IL15: variants seen among roughly 807,000 people sequenced by gnomAD.
The protein encoded by IL15 is interleukin-15.
In IL15, 11 loss-of-function variants were observed where a neutral mutation model predicts 19.6. The ratio of observed to expected loss-of-function variants is 0.56; its 90% CI spans 0.35 to 0.93. IL15 has a LOEUF of 0.93. Among genes scored for constraint, IL15 ranks in the 40% least tolerant of loss-of-function variants. The pLI is 0.01. For synonymous variants in IL15, 58 were observed against 59.6 expected, an observed-to-expected ratio of 0.97 and a Z score of 0.12; for missense variants, 197 against 186.5, an observed-to-expected ratio of 1.06 and a Z score of -0.33.
At chr4:141,697,319 T>C (rs1283294453) in intron 2 of IL15, among the ~76,000 whole-genome samples, 4 of 152,152 alleles carry the variant, frequency 2.6e-5, no homozygotes, top group African/African-American at 4.8e-5. Context: ...CAGATTGCTG[T>C]AACTATTTGG....
chr4:141,651,519 G>A (rs1727406052), intron 1 of IL15, among the ~76,000 whole-genome samples: 1 of 152,074 alleles, frequency 6.6e-6, no homozygotes, highest in South Asian at 2.1e-4. Flanking sequence ...TAATAGCCCA[G>A]ACTTTACCTC....
At chr4:141,639,859 G>A (rs943165375) in intron 1 of IL15, among the ~76,000 whole-genome samples, 4 of 152,206 alleles carry the variant, frequency 2.6e-5, no homozygotes, top group Non-Finnish European at 5.9e-5. Flanking sequence ...CCATAGAGGA[G>A]TTGAAGGAAA....
intron 2 of IL15, among the ~76,000 whole-genome samples, chr4:141,671,565 C>G (rs964781523): frequency 1.3e-5 from 2 of 152,142 alleles, no homozygotes; most frequent in African/African-American, 4.8e-5. Flanking sequence ...TCGATATCTC[C>G]TCACTCACCT....
intron 2 of IL15, among the ~76,000 whole-genome samples, chr4:141,671,206 CTT>C (rs1560911082): frequency 6.6e-6 from 1 of 152,144 alleles, no homozygotes; most frequent in African/African-American, 2.4e-5. Context: ...TGTGGGAACA[CTT>C]ATTACTTAGG....
At chr4:141,679,193 A>G (rs1276759313) in intron 2 of IL15, among the ~76,000 whole-genome samples, 1 of 152,216 alleles carries the variant, frequency 6.6e-6, no homozygotes, top group East Asian at 1.9e-4. Context: ...GTCACTAGAT[A>G]CAGCTGGACC....
At chr4:141,659,616 A>G (rs1219799168) in intron 2 of IL15, among the ~76,000 whole-genome samples, 7 of 152,226 alleles carry the variant, frequency 4.6e-5, no homozygotes, top group Non-Finnish European at 7.3e-5. Flanking sequence ...AGTAATAGCA[A>G]TGTGGTTGTG....
rs1729910075 is a variant in IL15 at position 141,717,055 on chromosome 4, G to A, written c.-99-2311G>A. On this transcript the variant is annotated intron_variant, in intron 2 of 7. Coordinates refer to ENST00000320650, the MANE Select transcript of IL15 (RefSeq NM_000585.5). ...GCAGAACATTTGCCTTCAGGATGAA[G>A]TCACACCCATATTTGATTTAGATAA... 2.6e-5 allele frequency: 4 copies of A among 152,088 alleles called. No individual in the cohort carries two copies. In the South Asian group the frequency reaches 8.3e-4, roughly 32 times the overall value. The allele number at this position is 152,088 out of a possible 1,614,324, so 9.4% of individuals were successfully genotyped here.
chr4:141,678,853 G>C (rs1728443870), intron 2 of IL15, among the ~76,000 whole-genome samples: 1 of 152,156 alleles, frequency 6.6e-6, no homozygotes, highest in South Asian at 2.1e-4. Flanking sequence ...GCCTGCCCAG[G>C]CCTCCCAAAG....
At chr4:141,651,034 T>G (rs1727386320) in intron 1 of IL15, among the ~76,000 whole-genome samples, 1 of 151,988 alleles carries the variant, frequency 6.6e-6, no homozygotes, top group Non-Finnish European at 1.5e-5. Context: ...AATATGTTAA[T>G]GATGAATAGA....
intron 2 of IL15, among the ~76,000 whole-genome samples, chr4:141,704,824 C>T (rs973724543): frequency 6.6e-6 from 1 of 151,112 alleles, no homozygotes; most frequent in African/African-American, 2.4e-5. Context: ...TCATATGTGT[C>T]CAGAAATTTA....
At chr4:141,730,384 A>G in intron 7 of IL15, among the ~76,000 whole-genome samples, 1 of 152,154 alleles carries the variant, frequency 6.6e-6, no homozygotes, top group Admixed American at 6.6e-5. Context: ...CTATTCTTTG[A>G]GCTTTAAATT....
chr4:141,697,196 A>G (rs1349379337), intron 2 of IL15, among the ~76,000 whole-genome samples: 1 of 152,084 alleles, frequency 6.6e-6, no homozygotes, highest in African/African-American at 2.4e-5. Context: ...ATAAGGCGAG[A>G]GATGAGGATC....
At chr4:141,637,709 A>G (rs1726904771) in intron 1 of IL15, among the ~76,000 whole-genome samples, 2 of 152,222 alleles carry the variant, frequency 1.3e-5, no homozygotes, top group South Asian at 2.1e-4. Flanking sequence ...ATTCTTAAAT[A>G]GGATGAGTCA....
intron 4 of IL15, 99 bp from the exon 5 acceptor site, chr4:141,721,825 C>G: frequency 9.5e-7 from 1 of 1,047,134 alleles, no homozygotes; most frequent in South Asian, 1.6e-5. Flanking sequence ...GATTTTTTCA[C>G]TGGTCAGAAT....
intron 2 of IL15, among the ~76,000 whole-genome samples, chr4:141,658,264 G>A (rs1052111707): frequency 3.3e-5 from 5 of 152,210 alleles, no homozygotes; most frequent in African/African-American, 1.2e-4. Context: ...TGTTTCCTGA[G>A]GCCTCCCCAG....
chr4:141,706,196 C>T (rs1729508998), intron 2 of IL15, among the ~76,000 whole-genome samples: 2 of 151,590 alleles, frequency 1.3e-5, no homozygotes, highest in Non-Finnish European at 2.9e-5. Flanking sequence ...TGTTACTAAG[C>T]TTGGTTTCTT....
At chr4:141,664,236 C>T (rs1348848335) in intron 2 of IL15, among the ~76,000 whole-genome samples, 4 of 151,766 alleles carry the variant, frequency 2.6e-5, no homozygotes, top group African/African-American at 9.7e-5. Flanking sequence ...ATTTCAAAAA[C>T]CCCCAAATAA....
chr4:141,650,078 A>G (rs576329004), intron 1 of IL15, among the ~76,000 whole-genome samples: 64 of 152,208 alleles, frequency 4.2e-4, no homozygotes, highest in African/African-American at 1.5e-3. Flanking sequence ...CAAGCAGTAT[A>G]AAAGCAAAAG....
Position 141,709,381 on chromosome 4 carries a change from G to A in IL15, c.-99-9985G>A, listed in dbSNP as rs114880073. Among the ~76,000 whole-genome samples the A allele has an allele frequency of 4.2e-3, 636 of 152,192 alleles. 4 individuals carry two copies. The highest frequency in any genetic ancestry group is 0.014 in the African/African-American group (566 of 41,522). On this transcript the variant is annotated intron_variant, in intron 2 of 7. Transcript: ENST00000320650. The stretch of plus-strand genomic sequence containing the variant: ...TACATATATACTACATAAAAAGGTT[G>A]TTCATTGTGTTTTTAAAATTTGCCC...
Sources: allele counts gnomAD v4.1 joint callset (sites outside exome capture counted in the v4.1 genomes callset), GRCh38; gene constraint gnomAD v4.1.1; transcripts MANE v1.5; gene names NCBI Gene and HGNC (gene_info 2026-07-23, HGNC 2026-07-21).